Variants in GLYATL1 observed in about 807,000 individuals in gnomAD.
The protein encoded by GLYATL1 is glycine-N-acyltransferase like 1, also known as glycine N-acyltransferase-like protein 1.
A neutral mutation model predicts 20.0 loss-of-function variants in GLYATL1; 15 were observed. That is an observed-to-expected ratio of 0.75 (90% confidence interval 0.50 to 1.15). The LOEUF is 1.15. Among genes scored for constraint, GLYATL1 ranks in the 50% most tolerant of loss-of-function variants. The pLI, the probability that GLYATL1 is intolerant of heterozygous loss-of-function variation, is 0.00. For missense variants in GLYATL1, 380 were observed against 368.5 expected (o/e 1.03, Z -0.26); for synonymous variants, 151 against 131.5 (o/e 1.15, Z -1.01).
chr11:58,952,959 C>T (rs1590811594), intron 4 of GLYATL1, among the ~76,000 whole-genome samples: 1 of 152,266 alleles, frequency 6.6e-6, no homozygotes, highest in East Asian at 1.9e-4. Context: ...AATCATTCTA[C>T]CAACATGACA....
chr11:58,907,513 G>A, exon 2 of GLYATL1: 3 of 389,358 alleles, frequency 7.7e-6, no homozygotes, highest in South Asian at 5.8e-5. Flanking sequence ...CAGGCTAGGG[G>A]AAAATCCAGT....
chr11:58,915,427 G>T (rs1855148605), intron 1 of GLYATL1, among the ~76,000 whole-genome samples: 1 of 152,098 alleles, frequency 6.6e-6, no homozygotes, highest in African/African-American at 2.4e-5. Flanking sequence ...AAGAGTGAGT[G>T]GATTCTAGAA....
Position 58,956,157 on chromosome 11 carries a change from A to G in GLYATL1, c.*130A>G. The G allele has an allele frequency of 3.8e-6, 3 of 797,824 alleles. No individual in the cohort carries two copies. The highest frequency in any genetic ancestry group is 3.7e-5 in the South Asian group (2 of 54,068). 49.4% of individuals were successfully genotyped at this position (797,824 alleles called of 1,614,324 possible). On this transcript the variant is annotated 3_prime_UTR_variant, in exon 7 of 7. Coordinates refer to ENST00000532726, the MANE Select transcript of GLYATL1 (RefSeq NM_001389712.2). ...TACAGCAGGAACTCTTCTCACCTGG[A>G]GCCTTGATGTTAAAAGACACAGCCA...
chr11:58,915,084 G>A (rs940313215), intron 1 of GLYATL1, among the ~76,000 whole-genome samples: 3 of 152,156 alleles, frequency 2.0e-5, no homozygotes, highest in Non-Finnish European at 4.4e-5. Flanking sequence ...AGTCATTTCT[G>A]TTTCTCTAGC....
intron 6 of GLYATL1, 80 bp downstream of exon 6, chr11:58,955,433 AAG>A: frequency 7.0e-7 from 1 of 1,433,296 alleles, no homozygotes; most frequent in Non-Finnish European, 9.6e-7. Flanking sequence ...TTTTGGAATG[AAG>A]AGAGGATGAA....
chr11:58,907,339 C>T, exon 2 of GLYATL1: 3 of 456,294 alleles, frequency 6.6e-6, no homozygotes, highest in Non-Finnish European at 1.3e-5. Context: ...TCTTGCTGCC[C>T]TTCCTTGCGA....
chr11:58,907,324 C>G, exon 2 of GLYATL1: 1 of 456,296 alleles, frequency 2.2e-6, no homozygotes, highest in Non-Finnish European at 4.4e-6. Flanking sequence ...TTCCAATTGT[C>G]TTTGTCTTGC....
At chr11:58,948,224 T>A (rs1856722510) in intron 4 of GLYATL1, among the ~76,000 whole-genome samples, 1 of 152,122 alleles carries the variant, frequency 6.6e-6, no homozygotes, top group Admixed American at 6.5e-5. Context: ...AAGGGCCCTA[T>A]GAGGTGGCAG....
At chr11:58,943,183 A>G (rs768667574) in intron 1 of GLYATL1, 38 of 1,288,972 alleles carry the variant, frequency 2.9e-5, no homozygotes, top group Non-Finnish European at 3.8e-5. Flanking sequence ...GTAAACTGTA[A>G]CGTAGCTTAA....
chr11:58,955,809 AT>A lies in GLYATL1; in HGVS notation c.692del (p.Met231ArgfsTer17), dbSNP rs1327924850. 5 of 1,614,214 alleles carry A rather than the reference AT, an allele frequency of 3.1e-6. No individual in the cohort carries two copies. In the East Asian group the frequency reaches 1.1e-4, roughly 36 times the overall value. On this transcript the variant is annotated frameshift_variant, in exon 7 of 7. Coordinates refer to ENST00000532726, the MANE Select transcript of GLYATL1 (RefSeq NM_001389712.2). LOFTEE classifies it low-confidence loss of function (END_TRUNC). ...CATGGACCCTTCTTGTGAAGTAGGA[AT>A]GGCCTACAGCATGGAAAAATACCGA... ...VTMDPSCEVGMAYSMEKYRRT... is the reference protein window; with the variant it reads ...VTMDPSCEVGXAYSMEKYRRT...
In GLYATL1 at chr11:58,943,561, T is replaced by A. The variant is rs751853067; in HGVS notation, c.-148T>A. On this transcript the variant is annotated 5_prime_UTR_variant, in exon 2 of 7. Coordinates refer to ENST00000532726, the MANE Select transcript of GLYATL1 (RefSeq NM_001389712.2). Reference sequence around the variant, plus strand: ...TTATCAGATGGTGTCACAAGAAGGATCTGAAGTGGAGCTTCTAGTATCCCC... The same window carrying A: ...TTATCAGATGGTGTCACAAGAAGGAACTGAAGTGGAGCTTCTAGTATCCCC... 1.9e-6 allele frequency: 3 copies of A among 1,613,202 alleles called. No individual in the cohort carries two copies. In the African/African-American group the frequency reaches 4.0e-5, roughly 22 times the overall value.
downstream of GLYATL1, among the ~76,000 whole-genome samples, chr11:58,913,133 G>A (rs1401825418): frequency 6.6e-6 from 1 of 152,156 alleles, no homozygotes; most frequent in East Asian, 1.9e-4. Context: ...GGGGCAGAGG[G>A]AGGGGTGGAC....
At chr11:58,930,528 A>C (rs1355403493) in intron 1 of GLYATL1, among the ~76,000 whole-genome samples, 5 of 152,240 alleles carry the variant, frequency 3.3e-5, no homozygotes, top group Non-Finnish European at 5.9e-5. Flanking sequence ...AATGAGTTTA[A>C]AGTAGTAAAC....
At chr11:58,917,788 T>C (rs73483024) in intron 1 of GLYATL1, among the ~76,000 whole-genome samples, 5,060 of 152,246 alleles carry the variant, frequency 0.033, 286 homozygotes, top group African/African-American at 0.12. Flanking sequence ...GGAAAATTTG[T>C]TTTCTTCTCC....
chr11:58,956,154 T>G lies in GLYATL1; in HGVS notation c.*127T>G. The G allele has an allele frequency of 1.2e-6, 1 of 819,174 alleles. No homozygotes were observed. Among genetic ancestry groups the G allele is most frequent in the Non-Finnish European group, 1.9e-6 (1 of 525,476 alleles). The allele number at this position is 819,174 out of a possible 1,614,324, so 50.7% of individuals were successfully genotyped here. Reference sequence around the variant, plus strand: ...TAATACAGCAGGAACTCTTCTCACCTGGAGCCTTGATGTTAAAAGACACAG... The same window carrying G: ...TAATACAGCAGGAACTCTTCTCACCGGGAGCCTTGATGTTAAAAGACACAG... On this transcript the variant is annotated 3_prime_UTR_variant, in exon 7 of 7. Coordinates refer to ENST00000532726, the MANE Select transcript of GLYATL1 (RefSeq NM_001389712.2).
chr11:58,927,508 G>T (rs1045331793), upstream of GLYATL1: 2 of 152,248 alleles, frequency 1.3e-5, no homozygotes, highest in East Asian at 3.9e-4. Flanking sequence ...CCTGGCCAGG[G>T]TGGACCCCAG....
chr11:58,910,570 A>G (rs1298801416), downstream of GLYATL1, among the ~76,000 whole-genome samples: 7 of 152,210 alleles, frequency 4.6e-5, no homozygotes, highest in African/African-American at 1.2e-4. Context: ...GCTATTAGGT[A>G]GTACTAGTCT....
chr11:58,926,343 A>G (rs1855426971), upstream of GLYATL1, among the ~76,000 whole-genome samples: 1 of 152,222 alleles, frequency 6.6e-6, no homozygotes, highest in African/African-American at 2.4e-5. Context: ...TCATTGACAT[A>G]AGCCAATGGG....
At chr11:58,906,027 G>A (rs575357735) in intron 1 of GLYATL1, among the ~76,000 whole-genome samples, 1 of 152,310 alleles carries the variant, frequency 6.6e-6, no homozygotes, top group South Asian at 2.1e-4. Context: ...GCTTAGACAG[G>A]CAAGAGAGAA....
Sources: allele counts gnomAD v4.1 joint callset (sites outside exome capture counted in the v4.1 genomes callset), GRCh38; gene constraint gnomAD v4.1.1; transcripts MANE v1.5; gene names NCBI Gene and HGNC (gene_info 2026-07-23, HGNC 2026-07-21).